SLC39A11: variants seen among roughly 807,000 people sequenced by gnomAD.
SLC39A11 encodes the protein solute carrier family 39 member 11, also known as zinc transporter ZIP11.
Under a neutral mutation model 36.1 loss-of-function variants are expected in SLC39A11, and 33 were observed. The observed-to-expected ratio is 0.91, with a 90% CI of 0.69 to 1.22. The LOEUF (loss-of-function observed/expected upper bound fraction) is 1.22. Among genes scored for constraint, SLC39A11 ranks in the 50% most tolerant of loss-of-function variants. The probability of loss-of-function intolerance (pLI) is 0.00; values close to 1 mark genes in which losing one functional copy is unlikely to be tolerated. For synonymous variants in SLC39A11, 166 were observed against 170.3 expected, an observed-to-expected ratio of 0.97 and a Z score of 0.20; for missense variants, 432 against 430.3, an observed-to-expected ratio of 1.00 and a Z score of -0.03.
chr17:72,666,817 G>A (rs1192416530), intron 7 of SLC39A11, among the ~76,000 whole-genome samples: 5 of 152,202 alleles, frequency 3.3e-5, no homozygotes, highest in Non-Finnish European at 5.9e-5. Flanking sequence ...AAAGCTGCCT[G>A]GCAGTATGTA....
chr17:73,022,638 A>G (rs1015758235), intron 4 of SLC39A11, among the ~76,000 whole-genome samples: 1 of 142,740 alleles, frequency 7.0e-6, no homozygotes, highest in African/African-American at 2.6e-5. Context: ...CCAGCCCACC[A>G]TACTAGGAAA....
chr17:72,788,627 T>C (rs1212665027), intron 6 of SLC39A11, among the ~76,000 whole-genome samples: 1 of 152,234 alleles, frequency 6.6e-6, no homozygotes, highest in African/African-American at 2.4e-5. Flanking sequence ...ACACATAATT[T>C]TGGGAGGCAG....
At chr17:72,775,419 T>C (rs1163866610) in intron 6 of SLC39A11, among the ~76,000 whole-genome samples, 1 of 152,192 alleles carries the variant, frequency 6.6e-6, no homozygotes, top group African/African-American at 2.4e-5. Context: ...GGGTTGATTC[T>C]AGCACTGCCT....
At chr17:72,853,804 C>A (rs371604846) in intron 5 of SLC39A11, among the ~76,000 whole-genome samples, 1 of 151,966 alleles carries the variant, frequency 6.6e-6, no homozygotes, top group Non-Finnish European at 1.5e-5. Flanking sequence ...ATCTTCTTGC[C>A]GCTCCTGGTA....
intron 7 of SLC39A11, among the ~76,000 whole-genome samples, chr17:72,714,632 G>A (rs571931324): frequency 6.6e-6 from 1 of 152,192 alleles, no homozygotes; most frequent in Non-Finnish European, 1.5e-5. Context: ...CCCATTTACA[G>A]ATGAGGAACC....
chr17:72,846,016 CTCTTTTTTTTTTTTT>C (rs1468923467), intron 6 of SLC39A11, among the ~76,000 whole-genome samples: 1 of 85,318 alleles, frequency 1.2e-5, no homozygotes, highest in African/African-American at 5.0e-5. Context: ...CTCTCTCTCT[CTCTTTTTTTTTTTTT>C]TTTTTTTTTT....
chr17:72,975,298 G>A (rs1391420130), intron 4 of SLC39A11, among the ~76,000 whole-genome samples: 3 of 152,170 alleles, frequency 2.0e-5, no homozygotes, highest in Non-Finnish European at 4.4e-5. Context: ...AATTAGCCAG[G>A]TGTGGTGGTG....
intron 5 of SLC39A11, among the ~76,000 whole-genome samples, chr17:72,854,239 G>A (rs1050604285): frequency 1.3e-5 from 2 of 151,440 alleles, no homozygotes; most frequent in African/African-American, 2.4e-5. Context: ...GTGGACTCAG[G>A]AGTCGACTCA....
intron 7 of SLC39A11, among the ~76,000 whole-genome samples, chr17:72,715,055 C>T (rs191681636): frequency 7.6e-4 from 116 of 152,294 alleles, no homozygotes; most frequent in African/African-American, 2.6e-3. Flanking sequence ...GCCAACTCCA[C>T]GGGTGTGCGA....
chr17:72,971,776 CA>C (rs1268607755), intron 4 of SLC39A11, among the ~76,000 whole-genome samples: 3 of 123,346 alleles, frequency 2.4e-5, no homozygotes, highest in African/African-American at 9.2e-5. Context: ...CTTACAACAC[CA>C]AAACTGGTTT....
At chr17:72,980,653 G>T (rs537087751) in intron 4 of SLC39A11, among the ~76,000 whole-genome samples, 22 of 152,300 alleles carry the variant, frequency 1.4e-4, no homozygotes, top group African/African-American at 5.3e-4. Context: ...ATGATAAGAC[G>T]TGAAGTTGCA....
chr17:72,863,985 T>G (rs1004235387), intron 5 of SLC39A11, among the ~76,000 whole-genome samples: 12 of 152,272 alleles, frequency 7.9e-5, no homozygotes, highest in East Asian at 3.9e-4. Context: ...GTTGAGTCAC[T>G]GTATAAACCA....
At chr17:72,904,055 T>G (rs2082528352) in intron 5 of SLC39A11, among the ~76,000 whole-genome samples, 1 of 152,178 alleles carries the variant, frequency 6.6e-6, no homozygotes, top group Non-Finnish European at 1.5e-5. Context: ...AAAACACAGC[T>G]AGGGCCTCCT....
chr17:72,971,313 C>T (rs1330658256), intron 4 of SLC39A11, among the ~76,000 whole-genome samples: 2 of 149,164 alleles, frequency 1.3e-5, no homozygotes, highest in African/African-American at 5.2e-5. Flanking sequence ...CCTCCACACA[C>T]ACATACACAC....
chr17:72,822,842 G>A (rs564439834), intron 6 of SLC39A11, among the ~76,000 whole-genome samples: 4 of 150,658 alleles, frequency 2.7e-5, no homozygotes, highest in Non-Finnish European at 5.9e-5. Flanking sequence ...AGCCTCCCAA[G>A]TAGCTGGGAC....
At chr17:72,647,832 A>G (rs537291851) in intron 9 of SLC39A11, among the ~76,000 whole-genome samples, 170 bp from the exon 10 acceptor site, 1 of 152,242 alleles carries the variant, frequency 6.6e-6, no homozygotes. Flanking sequence ...GAACCATGGA[A>G]CCCCAAACAA....
At chr17:72,846,248 T>G (rs911341909) in intron 6 of SLC39A11, among the ~76,000 whole-genome samples, 2 of 152,124 alleles carry the variant, frequency 1.3e-5, no homozygotes, top group African/African-American at 4.8e-5. Flanking sequence ...CAGGCTGGTC[T>G]CAAACTCCTG....
intron 6 of SLC39A11, among the ~76,000 whole-genome samples, chr17:72,773,457 TG>T (rs1478462160): frequency 1.3e-5 from 2 of 152,184 alleles, no homozygotes; most frequent in Non-Finnish European, 2.9e-5. Flanking sequence ...CCCTTTTTCT[TG>T]GTTCTCATTC....
At chr17:73,064,526 A>G (rs1337616607) in intron 3 of SLC39A11, among the ~76,000 whole-genome samples, 1 of 152,178 alleles carries the variant, frequency 6.6e-6, no homozygotes, top group Non-Finnish European at 1.5e-5. Flanking sequence ...CAGCTCAGCT[A>G]GAAATACAAC....
Sources: allele counts gnomAD v4.1 joint callset (sites outside exome capture counted in the v4.1 genomes callset), GRCh38; gene constraint gnomAD v4.1.1; transcripts MANE v1.5; gene names NCBI Gene and HGNC (gene_info 2026-07-23, HGNC 2026-07-21).